The following RBFOX2 variants were observed in gnomAD, a reference collection of about 807,000 sequenced individuals.
RBFOX2 encodes RNA binding protein fox-1 homolog 2.
RBFOX2 carries 10 observed loss-of-function variants against 49.1 expected under a neutral mutation model. That is an observed-to-expected ratio of 0.20 (90% CI 0.13 to 0.35). The LOEUF (loss-of-function observed/expected upper bound fraction) is 0.35, where lower values mean the gene tolerates loss of function less well. Ranked by LOEUF, RBFOX2 falls within the 10% of genes least tolerant of loss-of-function variation. The pLI is 1.00. For synonymous variants in RBFOX2, 183 were observed against 187.4 expected (o/e 0.98, Z 0.19); for missense variants, 323 against 486.9 (o/e 0.66, Z 3.17).
At chr22:35,951,754 C>G (rs927943838) in intron 1 of RBFOX2, among the ~76,000 whole-genome samples, 3 of 152,148 alleles carry the variant, frequency 2.0e-5, no homozygotes, top group Non-Finnish European at 2.9e-5. Context: ...AGTAAGGAAA[C>G]TGAGGCTCAG....
upstream of RBFOX2, among the ~76,000 whole-genome samples, chr22:35,961,939 G>A (rs1403545913): frequency 6.6e-6 from 1 of 152,144 alleles, no homozygotes; most frequent in East Asian, 1.9e-4. Context: ...AAAGCAAGTA[G>A]TGATATCTGC....
chr22:35,988,722 A>G (rs1023616938), intron 1 of RBFOX2, among the ~76,000 whole-genome samples: 1 of 152,218 alleles, frequency 6.6e-6, no homozygotes, highest in Non-Finnish European at 1.5e-5. Flanking sequence ...TGAGATGATC[A>G]GAGTTGTTTC....
At chr22:35,805,289 C>CAAA (rs748086413) in intron 2 of RBFOX2, among the ~76,000 whole-genome samples, 30 of 37,866 alleles carry the variant, frequency 7.9e-4, no homozygotes, top group African/African-American at 1.5e-3. Context: ...GACTCCGTCT[C>CAAA]AAAAAAAAAA....
At position 35,984,124 on chromosome 22, in the gene RBFOX2, C is replaced by T. The variant is rs1310125154; in HGVS notation, c.186+44116G>A. ...ACAAGCTTCAAAAATCTGTCTCCTT[C>T]CCTTGTTTGTGTCCCCCTAGGCCAA... On this transcript the variant is annotated intron_variant, in intron 1 of 13. Transcript: ENST00000438146. Among the ~76,000 whole-genome samples the T allele has an allele frequency of 2.6e-5, 4 of 152,116 alleles. No individual in the cohort carries two copies. The East Asian group carries it at 7.7e-4, about 29-fold the overall frequency.
At chr22:35,778,196 C>T (rs28361364) in intron 3 of RBFOX2, 118 bp from the exon 5 acceptor site, 1 of 816,182 alleles carries the variant, frequency 1.2e-6, no homozygotes. Flanking sequence ...TATTTAACTT[C>T]TATGTTTGTA....
chr22:36,010,732 TAC>T (rs34495987), intron 1 of RBFOX2, among the ~76,000 whole-genome samples: 41,649 of 136,544 alleles, frequency 0.31, 6,103 homozygotes, highest in Non-Finnish European at 0.36. Context: ...TACTGTTCAG[TAC>T]ACACACACAC....
chr22:35,742,766 G>A (rs1569189488), exon 12 of RBFOX2: 1 of 152,378 alleles, frequency 6.6e-6, no homozygotes, highest in Non-Finnish European at 1.5e-5. Context: ...CTCACTGCGC[G>A]ACTCTTTCTG....
chr22:35,947,641 C>T (rs151269901), intron 1 of RBFOX2, among the ~76,000 whole-genome samples: 55 of 111,436 alleles, frequency 4.9e-4, no homozygotes, highest in African/African-American at 2.0e-3. Flanking sequence ...GTGTTTGTGT[C>T]TTAGCTTTCA....
chr22:36,001,234 C>T lies in RBFOX2; in HGVS notation c.186+27006G>A, dbSNP rs544937866. Among the ~76,000 whole-genome samples, 58 of 107,578 alleles carry T rather than the reference C, an allele frequency of 5.4e-4. 2 individuals are homozygous for T. The highest frequency in any genetic ancestry group is 4.6e-3 in the South Asian group (15 of 3,252). The allele number at this position is 107,578 out of a possible 152,430, so 70.6% of individuals were successfully genotyped here. A position where few individuals can be genotyped will look rare whatever the true frequency, so the allele number is the denominator to read the frequency against. On this transcript the variant is annotated intron_variant, in intron 1 of 13. Coordinates refer to the RBFOX2 transcript ENST00000438146. ...ACACACACACACACACACACACACA[C>T]TATATGTATATACATGTACACATAC... is the stretch of plus-strand genomic sequence containing the variant.
chr22:35,819,345 G>A (rs1953927051), intron 1 of RBFOX2, among the ~76,000 whole-genome samples: 1 of 152,086 alleles, frequency 6.6e-6, no homozygotes, highest in South Asian at 2.1e-4. Flanking sequence ...TCCACATTAT[G>A]TACTATGGGA....
At chr22:35,915,247 G>A (rs1006523742) in intron 1 of RBFOX2, among the ~76,000 whole-genome samples, 3 of 152,198 alleles carry the variant, frequency 2.0e-5, no homozygotes, top group South Asian at 2.1e-4. Context: ...TTTGGGGAGA[G>A]AGAAACCCAA....
chr22:35,829,656 G>A (rs746288343), intron 1 of RBFOX2, among the ~76,000 whole-genome samples: 1 of 152,146 alleles, frequency 6.6e-6, no homozygotes, highest in African/African-American at 2.4e-5. Context: ...ATATATCTGC[G>A]ATGACAAGTT....
chr22:35,753,825 C>T (rs1935912195), intron 9 of RBFOX2, among the ~76,000 whole-genome samples: 3 of 133,608 alleles, frequency 2.2e-5, no homozygotes, highest in Admixed American at 8.5e-5. Flanking sequence ...CTCTGTCAGC[C>T]AGGCTGGAGT....
intron 5 of RBFOX2, among the ~76,000 whole-genome samples, chr22:35,766,662 AAC>A (rs914623859): frequency 5.3e-5 from 8 of 152,118 alleles, no homozygotes; most frequent in East Asian, 1.9e-4. Flanking sequence ...GCAGTTAAAA[AAC>A]ACACACACAC....
chr22:35,806,471 C>T (rs975431862), intron 2 of RBFOX2, among the ~76,000 whole-genome samples: 1 of 152,124 alleles, frequency 6.6e-6, no homozygotes, highest in Non-Finnish European at 1.5e-5. Context: ...GACACACATG[C>T]ATGTGCACAC....
upstream of RBFOX2, among the ~76,000 whole-genome samples, chr22:35,843,245 G>A (rs899721563): frequency 2.6e-5 from 4 of 152,176 alleles, no homozygotes; most frequent in East Asian, 7.7e-4. Context: ...GTGTTTGGGA[G>A]GAGAGAGACA....
intron 1 of RBFOX2, among the ~76,000 whole-genome samples, chr22:35,887,959 G>A (rs887509536): frequency 4.6e-5 from 7 of 152,090 alleles, no homozygotes; most frequent in East Asian, 1.9e-4. Context: ...TTTACAGGCT[G>A]ATGTACCACT....
intron 1 of RBFOX2, chr22:35,994,181 TAAAA>T (rs543963445): frequency 7.0e-6 from 1 of 142,702 alleles, no homozygotes; most frequent in Non-Finnish European, 1.5e-5. Context: ...TTAAAAATGG[TAAAA>T]AAAAAAAGGT....
At chr22:35,987,268 ACAAATT>A (rs570437656) in intron 1 of RBFOX2, among the ~76,000 whole-genome samples, 1 of 152,350 alleles carries the variant, frequency 6.6e-6, no homozygotes, top group South Asian at 2.1e-4. Flanking sequence ...AGGGATAAGA[ACAAATT>A]TAGGCTGTTC....
Sources: allele counts gnomAD v4.1 joint callset (sites outside exome capture counted in the v4.1 genomes callset), GRCh38; gene constraint gnomAD v4.1.1; transcripts MANE v1.5; gene names NCBI Gene and HGNC (gene_info 2026-07-23, HGNC 2026-07-21).